DPYSL3: variants seen among roughly 807,000 people sequenced by gnomAD.
The protein encoded by DPYSL3 is dihydropyrimidinase like 3.
In DPYSL3, 16 loss-of-function variants were observed where a neutral mutation model predicts 66.1. That is an observed-to-expected ratio of 0.24 (90% confidence interval 0.16 to 0.37). The LOEUF is 0.37. Among genes scored for constraint, DPYSL3 ranks in the 10% least tolerant of loss-of-function variants. The pLI is 1.00. For synonymous variants in DPYSL3, 338 were observed against 345.1 expected (o/e 0.98, Z 0.23); for missense variants, 738 against 916.2 (o/e 0.81, Z 2.51).
chr5:147,395,085 G>C (rs1400881114), intron 13 of DPYSL3, among the ~76,000 whole-genome samples: 2 of 152,190 alleles, frequency 1.3e-5, no homozygotes, highest in Non-Finnish European at 1.5e-5. Flanking sequence ...GTGGTAGCTA[G>C]TGTTAGCATT....
At chr5:147,450,678 G>T (rs1039984536) in intron 1 of DPYSL3, among the ~76,000 whole-genome samples, 1 of 151,954 alleles carries the variant, frequency 6.6e-6, no homozygotes, top group East Asian at 1.9e-4. Flanking sequence ...ATCTCAGGAG[G>T]GCAATAAAAA....
Position 147,418,517 on chromosome 5 carries a change from C to T in DPYSL3, c.585G>A (p.Lys195=). The change falls in exon 3 of 14, where the codon AAG becomes AAA. Residue 195 remains lysine (K), a synonymous_variant. Transcript: ENST00000343218. ...DVHTHFQMPY[K]GMTTVDDFFQ... ...AGAAGTCATCTACTGTGGTCATTCCCTTATATGGCATCTGGAAGTGAGTAT... is the reference window on the plus strand; with the variant it reads ...AGAAGTCATCTACTGTGGTCATTCCTTTATATGGCATCTGGAAGTGAGTAT... 2 of 1,613,650 alleles carry T rather than the reference C, an allele frequency of 1.2e-6. No homozygotes were observed. Among genetic ancestry groups the T allele is most frequent in the Non-Finnish European group, 1.7e-6 (2 of 1,179,826 alleles).
intron 1 of DPYSL3, among the ~76,000 whole-genome samples, chr5:147,496,269 C>A (rs1428981801): frequency 2.0e-5 from 3 of 152,272 alleles, no homozygotes; most frequent in Admixed American, 6.5e-5. Context: ...TAAAGACTTA[C>A]ATGTTAGACC....
At chr5:147,479,002 A>T (rs140695751) in intron 1 of DPYSL3, among the ~76,000 whole-genome samples, 1 of 152,182 alleles carries the variant, frequency 6.6e-6, no homozygotes, top group Non-Finnish European at 1.5e-5. Context: ...GGCATCTAAT[A>T]GGTGAGCAAT....
chr5:147,432,696 C>T (rs1752337179), intron 1 of DPYSL3, among the ~76,000 whole-genome samples: 1 of 152,206 alleles, frequency 6.6e-6, no homozygotes, highest in Admixed American at 6.5e-5. Flanking sequence ...GTAGCTCAAA[C>T]CTCAGTCATT....
intron 1 of DPYSL3, among the ~76,000 whole-genome samples, chr5:147,448,035 T>A (rs551741044): frequency 6.6e-6 from 1 of 152,134 alleles, no homozygotes; most frequent in Non-Finnish European, 1.5e-5. Flanking sequence ...AATGGCCCTA[T>A]AAAATATGTC....
At chr5:147,503,725 T>C (rs1240589741) in intron 1 of DPYSL3, among the ~76,000 whole-genome samples, 3 of 152,072 alleles carry the variant, frequency 2.0e-5, no homozygotes, top group Non-Finnish European at 2.9e-5. Flanking sequence ...ATCAAGAAAG[T>C]TTACAAGAAG....
At chr5:147,494,801 C>G (rs1254673340) in intron 1 of DPYSL3, among the ~76,000 whole-genome samples, 4 of 150,568 alleles carry the variant, frequency 2.7e-5, no homozygotes, top group Non-Finnish European at 5.9e-5. Flanking sequence ...ATGGCATGAA[C>G]CCGGGAGGCA....
chr5:147,397,577 T>C, intron 12 of DPYSL3, 89 bp downstream of exon 12: 1 of 1,352,830 alleles, frequency 7.4e-7, no homozygotes, highest in Middle Eastern at 2.0e-4. Context: ...AGTCTAGAGA[T>C]CACAGTGCCC....
intron 1 of DPYSL3, among the ~76,000 whole-genome samples, chr5:147,502,157 G>T (rs1477883682): frequency 2.6e-5 from 4 of 151,952 alleles, no homozygotes; most frequent in Non-Finnish European, 5.9e-5. Context: ...GGTGCAAAGA[G>T]CAAAGCAGCT....
Position 147,509,485 on chromosome 5 carries a change from T to A in DPYSL3, c.374A>T (p.Lys125Met), listed in dbSNP as rs1223017609. The part of the protein sequence containing the change: ...GKEVLQNLGP[K>M]DKSDRLLIKG... ...GACCCGGGGCCCCCTTACCTTGTCC[T>A]TGGGGCCGAGGTTCTGCAACACCTC... The change falls in exon 1 of 14, where the codon AAG becomes ATG. Residue 125 changes from lysine to methionine, a missense_variant. Transcript: ENST00000343218. The surrounding 1 kb of genome is among the most constrained non-coding windows in gnomAD (Gnocchi z 5.3). 1 of 1,521,874 alleles carries A rather than the reference T, an allele frequency of 6.6e-7. No homozygotes were observed. Among genetic ancestry groups the A allele is most frequent in the East Asian group, 2.5e-5 (1 of 40,748 alleles). 94.3% of individuals were successfully genotyped at this position (1,521,874 alleles called of 1,614,324 possible). A position where few individuals can be genotyped will look rare whatever the true frequency, so the allele number is the denominator to read the frequency against.
At chr5:147,456,356 A>C (rs1253384926) in intron 1 of DPYSL3, among the ~76,000 whole-genome samples, 2 of 152,214 alleles carry the variant, frequency 1.3e-5, no homozygotes, top group African/African-American at 4.8e-5. Flanking sequence ...GTATCTCAGT[A>C]AACTGAAAGA....
intron 1 of DPYSL3, among the ~76,000 whole-genome samples, chr5:147,497,193 T>A (rs1753531369): frequency 7.5e-6 from 1 of 133,028 alleles, no homozygotes; most frequent in Non-Finnish European, 1.5e-5. Flanking sequence ...AGGTGGGAAT[T>A]GAACAATAAG....
intron 1 of DPYSL3, among the ~76,000 whole-genome samples, chr5:147,459,569 G>T (rs1752902183): frequency 6.6e-6 from 1 of 151,306 alleles, no homozygotes; most frequent in African/African-American, 2.4e-5. Context: ...AAATAAACTG[G>T]TAAACAAACT....
intron 1 of DPYSL3, among the ~76,000 whole-genome samples, chr5:147,443,613 A>C (rs1228747350): frequency 6.7e-6 from 1 of 150,216 alleles, no homozygotes; most frequent in African/African-American, 2.5e-5. Context: ...TTTTAAGGAG[A>C]GATAAAGAAA....
At chr5:147,418,371 A>C in intron 3 of DPYSL3, 76 bp downstream of exon 3, 5 of 1,407,326 alleles carry the variant, frequency 3.6e-6, no homozygotes, top group Non-Finnish European at 4.8e-6. Context: ...AGTTATAGTA[A>C]GAGAGTTCTG....
chr5:147,440,650 C>T (rs887595951), intron 1 of DPYSL3, among the ~76,000 whole-genome samples: 3 of 152,160 alleles, frequency 2.0e-5, no homozygotes, highest in African/African-American at 7.2e-5. Context: ...TCTAATTATG[C>T]TATCTTTTTA....
At chr5:147,451,368 G>C (rs1164665446) in intron 1 of DPYSL3, among the ~76,000 whole-genome samples, 1 of 152,206 alleles carries the variant, frequency 6.6e-6, no homozygotes, top group Non-Finnish European at 1.5e-5. Context: ...CCCACACACA[G>C]AGAGAAAGGA....
At chr5:147,431,907 G>A (rs1426090095) in intron 1 of DPYSL3, among the ~76,000 whole-genome samples, 3 of 152,132 alleles carry the variant, frequency 2.0e-5, no homozygotes, top group Non-Finnish European at 4.4e-5. Context: ...TCCCACCCAC[G>A]CTCCCTCCAG....
Sources: allele counts gnomAD v4.1 joint callset (sites outside exome capture counted in the v4.1 genomes callset), GRCh38; gene constraint gnomAD v4.1.1; non-coding constraint Gnocchi (gnomAD v3.1); transcripts MANE v1.5; gene names NCBI Gene and HGNC (gene_info 2026-07-23, HGNC 2026-07-21).